Variants in FHIT observed in about 807,000 individuals in gnomAD.
The protein encoded by FHIT is fragile histidine triad diadenosine triphosphatase, also known as bis(5'-adenosyl)-triphosphatase.
In FHIT, 19 loss-of-function variants were observed where a neutral mutation model predicts 17.9. The observed-to-expected ratio is 1.06, with a 90% CI of 0.74 to 1.56. The LOEUF is 1.56. FHIT is among the 40% of genes most tolerant of loss of function. The probability of loss-of-function intolerance (pLI) is 0.00; values close to 1 mark genes in which losing one functional copy is unlikely to be tolerated. For synonymous variants in FHIT, 81 were observed against 69.7 expected (o/e 1.16, Z -0.81); for missense variants, 248 against 189.2 (o/e 1.31, Z -1.82).
intron 5 of FHIT, among the ~76,000 whole-genome samples, chr3:60,449,457 A>G (rs1364353210): frequency 6.6e-6 from 1 of 151,126 alleles, no homozygotes; most frequent in East Asian, 1.9e-4. Flanking sequence ...CATATGCAGT[A>G]ATGTGGCACT....
At chr3:60,495,385 T>C (rs1002282198) in intron 5 of FHIT, among the ~76,000 whole-genome samples, 6 of 152,176 alleles carry the variant, frequency 3.9e-5, no homozygotes, top group Non-Finnish European at 7.3e-5. Flanking sequence ...TCCCAACTGT[T>C]TTCTATTTTT....
chr3:60,576,961 C>CACACACACACAG (rs2037589431), intron 4 of FHIT, among the ~76,000 whole-genome samples: 1 of 151,418 alleles, frequency 6.6e-6, no homozygotes, highest in Admixed American at 6.6e-5. Flanking sequence ...CACACACACA[C>CACACACACACAG]ACACACACAC....
At chr3:60,007,998 A>G (rs78878723) in intron 7 of FHIT, among the ~76,000 whole-genome samples, 8,484 of 152,250 alleles carry the variant, frequency 0.056, 292 homozygotes, top group East Asian at 0.11. Context: ...CAGAGCTAGC[A>G]TATTTTGGGG....
intron 7 of FHIT, among the ~76,000 whole-genome samples, chr3:60,002,859 G>A (rs546292864): frequency 1.3e-5 from 2 of 152,080 alleles, no homozygotes; most frequent in African/African-American, 2.4e-5. Context: ...TCTAGACCAA[G>A]AATCAAAATA....
intron 3 of FHIT, among the ~76,000 whole-genome samples, chr3:60,958,920 G>A (rs1410957910): frequency 1.3e-5 from 2 of 152,158 alleles, no homozygotes; most frequent in Non-Finnish European, 2.9e-5. Context: ...AATCAATGTA[G>A]TAAGGACAGA....
chr3:60,486,138 G>A (rs1223683371), intron 5 of FHIT, among the ~76,000 whole-genome samples: 1 of 151,940 alleles, frequency 6.6e-6, no homozygotes, highest in Non-Finnish European at 1.5e-5. Flanking sequence ...AACTGAAAAA[G>A]ACACCATTTC....
intron 7 of FHIT, among the ~76,000 whole-genome samples, chr3:59,981,049 C>T (rs532335033): frequency 3.3e-5 from 5 of 152,092 alleles, no homozygotes; most frequent in African/African-American, 1.2e-4. Context: ...AGTGGTTATT[C>T]ACTATTATAA....
At chr3:60,142,241 C>T (rs982394983) in intron 5 of FHIT, among the ~76,000 whole-genome samples, 1 of 148,448 alleles carries the variant, frequency 6.7e-6, no homozygotes, top group African/African-American at 2.4e-5. Flanking sequence ...TAAACTGCAT[C>T]TGTTTCCACA....
chr3:60,799,270 G>C (rs1464389944), intron 4 of FHIT, among the ~76,000 whole-genome samples: 1 of 152,112 alleles, frequency 6.6e-6, no homozygotes, highest in East Asian at 1.9e-4. Context: ...CACCTCCCAG[G>C]TTCAAGCGAT....
chr3:60,970,874 T>C (rs1709974968), intron 3 of FHIT, among the ~76,000 whole-genome samples: 1 of 152,218 alleles, frequency 6.6e-6, no homozygotes, highest in South Asian at 2.1e-4. Context: ...ATATTTATCA[T>C]CCTGCTTTAG....
chr3:61,039,851 A>C (rs79857458), intron 3 of FHIT, among the ~76,000 whole-genome samples: 3,015 of 152,280 alleles, frequency 0.02, 116 homozygotes, highest in African/African-American at 0.068. Flanking sequence ...AAAGTATAAA[A>C]AAACAAACAA....
rs547153769 is a variant in FHIT, at chr3:60,683,820, A to C, written c.-18+138099T>G. Among the ~76,000 whole-genome samples the C allele has an allele frequency of 1.8e-4, 28 of 152,290 alleles. No homozygotes were observed. The South Asian group carries it at 4.8e-3, about 26-fold the overall frequency. On this transcript the variant is annotated intron_variant, in intron 4 of 9. Coordinates refer to ENST00000492590, the MANE Select transcript of FHIT (RefSeq NM_002012.4). ...ATAACACATTTTTTCCCATTTAAGT[A>C]ATGGCAAACTGTCTCAAGGAAATCA... is the stretch of plus-strand genomic sequence containing the variant.
intron 2 of FHIT, among the ~76,000 whole-genome samples, chr3:61,121,061 G>T (rs995286354): frequency 6.6e-6 from 1 of 151,768 alleles, no homozygotes; most frequent in Non-Finnish European, 1.5e-5. Context: ...AATGAAAAGG[G>T]AGGAACAAAG....
intron 3 of FHIT, among the ~76,000 whole-genome samples, chr3:60,824,614 AC>A (rs879980774): frequency 1.3e-5 from 2 of 152,276 alleles, no homozygotes; most frequent in East Asian, 3.9e-4. Context: ...CTGTGTCCCC[AC>A]CCAAGTCTCA....
At position 60,011,414 on chromosome 3, in the gene FHIT, A is replaced by G. The variant is rs772686607; in HGVS notation, c.250-14T>C. 2.5e-6 allele frequency: 4 copies of G among 1,612,442 alleles called. No individual in the cohort carries two copies. The highest frequency in any genetic ancestry group is 2.5e-6 in the Non-Finnish European group (3 of 1,178,626). ...TTCGGGGCCATCCTAGAAGTAGGAA[A>G]AAACCAACAGAGGTGAGAATAGATA... On this transcript the variant is annotated splice_polypyrimidine_tract_variant and intron_variant, in intron 6 of 9. Transcript: ENST00000492590.
In FHIT at chr3:60,020,658, G is replaced by C. The variant is rs148468075; in HGVS notation, c.104-6506C>G. Among the ~76,000 whole-genome samples the C allele has an allele frequency of 3.2e-3, 494 of 152,282 alleles. 4 individuals are homozygous for C. The highest frequency in any genetic ancestry group is 0.011 in the African/African-American group (456 of 41,550). On this transcript the variant is annotated intron_variant, in intron 5 of 9. Coordinates refer to ENST00000492590, the MANE Select transcript of FHIT (RefSeq NM_002012.4). ...ATTCCAGCTTGCAATGCAGACCTCA[G>C]CAGACCCTGTATAATTCATTATTTG...
intron 5 of FHIT, among the ~76,000 whole-genome samples, chr3:60,487,827 T>C (rs2033904842): frequency 6.6e-6 from 1 of 152,208 alleles, no homozygotes. Context: ...TCTTTCCTCC[T>C]AATTCCGTCT....
intron 5 of FHIT, among the ~76,000 whole-genome samples, chr3:60,086,988 G>A (rs1703521276): frequency 6.6e-6 from 1 of 152,194 alleles, no homozygotes; most frequent in African/African-American, 2.4e-5. Flanking sequence ...TGCTTTCAGA[G>A]ATCTATGAGT....
At chr3:60,840,770 T>G (rs1702701876) in intron 3 of FHIT, among the ~76,000 whole-genome samples, 1 of 152,206 alleles carries the variant, frequency 6.6e-6, no homozygotes, top group African/African-American at 2.4e-5. Flanking sequence ...GAGACTGACG[T>G]TTTCTGTTAA....
Sources: allele counts gnomAD v4.1 joint callset (sites outside exome capture counted in the v4.1 genomes callset), GRCh38; gene constraint gnomAD v4.1.1; transcripts MANE v1.5; gene names NCBI Gene and HGNC (gene_info 2026-07-23, HGNC 2026-07-21).